Variants in CSNK1E observed in about 807,000 individuals in gnomAD.
The protein encoded by CSNK1E is casein kinase I isoform epsilon.
CSNK1E carries 17 observed loss-of-function variants against 46.1 expected under a neutral mutation model. The ratio of observed to expected loss-of-function variants is 0.37; its 90% CI spans 0.25 to 0.55. CSNK1E has a LOEUF of 0.55. CSNK1E is among the 20% of genes least tolerant of loss of function. CSNK1E has a pLI of 0.82. For synonymous variants in CSNK1E, 241 were observed against 242.6 expected (o/e 0.99, Z 0.06); for missense variants, 386 against 595.4 (o/e 0.65, Z 3.66).
chr22:38,311,804 CCTT>C (rs1014516670), intron 2 of CSNK1E, among the ~76,000 whole-genome samples: 10 of 148,990 alleles, frequency 6.7e-5, no homozygotes, highest in African/African-American at 9.9e-5. Flanking sequence ...CCTTTTCTTT[CCTT>C]CTTTTTTTTT....
At chr22:38,308,662 C>T (rs1390415245) in intron 2 of CSNK1E, among the ~76,000 whole-genome samples, 1 of 152,044 alleles carries the variant, frequency 6.6e-6, no homozygotes, top group Admixed American at 6.6e-5. Context: ...GTGGGAAGTG[C>T]AGCCCCTAGG....
chr22:38,296,142 G>T, intron 7 of CSNK1E: 10 of 991,044 alleles, frequency 1.0e-5, no homozygotes, highest in Non-Finnish European at 1.2e-5. Context: ...CAGCCCCGAG[G>T]CAAGAAGTGG....
Position 38,294,123 on chromosome 22 carries a change from T to A in CSNK1E, c.1204A>T (p.Ile402Phe). The change falls in exon 9 of 11, where the codon ATC (isoleucine) becomes TTC (phenylalanine). Residue 402 changes from isoleucine (I) to phenylalanine (F), a missense_variant. Around this residue, in one of 2 missense-constraint regions of CSNK1E, gnomAD observed 174 missense variants for 185.2 expected, o/e 0.94. Coordinates refer to ENST00000396832, the MANE Select transcript of CSNK1E (RefSeq NM_152221.3). This position sits in a 1 kb window ranked among gnomAD's most constrained non-coding sequence, Gnocchi z 5.5. ...DLTGRQEVSR[I>F]PASQTSVPFD... ...GGGCAGCTCACCTGTGAGGCTGGGA[T>A]CCGGGAGACCTCTTGCCGCCCAGTG... 1 of 1,610,264 alleles carries A rather than the reference T, an allele frequency of 6.2e-7. No individual in the cohort carries two copies. Among genetic ancestry groups the A allele is most frequent in the Non-Finnish European group, 8.5e-7 (1 of 1,179,524 alleles).
intron 2 of CSNK1E, among the ~76,000 whole-genome samples, chr22:38,313,295 G>A (rs1186126230): frequency 2.0e-5 from 3 of 152,150 alleles, no homozygotes; most frequent in African/African-American, 7.2e-5. Context: ...AGGATAACTC[G>A]TAGAAGGGCT....
chr22:38,316,039 GAGC>G (rs2092743841), intron 1 of CSNK1E, among the ~76,000 whole-genome samples: 2 of 152,068 alleles, frequency 1.3e-5, no homozygotes, highest in African/African-American at 4.8e-5. Flanking sequence ...TCCCAGAGGA[GAGC>G]AGAAAAGCTT....
chr22:38,301,070 A>G (rs2092669544), intron 4 of CSNK1E, 118 bp from the exon 5 acceptor site: 1 of 811,330 alleles, frequency 1.2e-6, no homozygotes, highest in African/African-American at 1.7e-5. Context: ...GCCTTCGACC[A>G]TGAAGGATAA....
rs536134796 is a variant in CSNK1E at position 38,306,385 on chromosome 22, C to T, written c.77-3137G>A. 9.7e-4 allele frequency among the ~76,000 whole-genome samples: 148 copies of T among 152,276 alleles called. 1 individual carries two copies. The highest frequency in any genetic ancestry group is 3.5e-3 in the African/African-American group (146 of 41,552). ...CTCCAATTGAGTCACTCAAAGTGTGCGACTCACCGTTTTTAGTATATTCAC... is the reference window on the plus strand; with the variant it reads ...CTCCAATTGAGTCACTCAAAGTGTGTGACTCACCGTTTTTAGTATATTCAC... On this transcript the variant is annotated intron_variant, in intron 2 of 10. Transcript: ENST00000396832.
rs2092680505 is a variant in CSNK1E at position 38,302,876 on chromosome 22, G to C, written c.321C>G (p.Leu107=). The C allele has an allele frequency of 6.2e-7, 1 of 1,614,040 alleles. No individual in the cohort carries two copies. The highest frequency in any genetic ancestry group is 1.7e-5 in the Admixed American group (1 of 60,000). The part of the protein sequence containing the change: ...SRKFSLKTVL[L]LADQMISRIE... ...GGGGACTCACCATCTGGTCGGCCAA[G>C]AGCAGCACCGTCTTGAGGCTGAATT... Residue 107 remains leucine, a synonymous_variant, in exon 4 of 11, where the codon CTC becomes CTG. Coordinates refer to ENST00000396832, the MANE Select transcript of CSNK1E (RefSeq NM_152221.3).
At chr22:38,304,125 G>A (rs760251464) in intron 2 of CSNK1E, among the ~76,000 whole-genome samples, 14 of 152,320 alleles carry the variant, frequency 9.2e-5, no homozygotes, top group Non-Finnish European at 1.2e-4. Context: ...TAGGCTGGGC[G>A]ACAGGGTGTC....
chr22:38,293,088 C>T (rs1415911104), intron 10 of CSNK1E, 167 bp downstream of exon 10: 1 of 635,004 alleles, frequency 1.6e-6, no homozygotes, highest in Non-Finnish European at 2.8e-6. Context: ...GTCAGGCAGC[C>T]TCCGAGGTTT....
chr22:38,316,369 T>C (rs1339340078), intron 1 of CSNK1E, among the ~76,000 whole-genome samples: 4 of 152,154 alleles, frequency 2.6e-5, no homozygotes, highest in African/African-American at 7.2e-5. Flanking sequence ...TTGTGTCCCC[T>C]TCTCCTCTCT....
intron 7 of CSNK1E, chr22:38,297,215 G>A (rs1488737275): frequency 1.1e-5 from 8 of 759,576 alleles, no homozygotes; most frequent in African/African-American, 8.5e-5. Context: ...AGCCCATCAC[G>A]AACCAGACGT....
Position 38,300,578 on chromosome 22 carries a change from C to T in CSNK1E, c.565+146G>A, listed in dbSNP as rs1982046890. The T allele has an allele frequency of 1.2e-5, 9 of 764,830 alleles. No individual in the cohort carries two copies. The highest frequency in any genetic ancestry group is 2.6e-5 in the East Asian group (1 of 37,744). 47.4% of individuals were successfully genotyped at this position (764,830 alleles called of 1,614,324 possible). A position where few individuals can be genotyped will look rare whatever the true frequency, so the allele number is the denominator to read the frequency against. On this transcript the variant is annotated intron_variant, in intron 5 of 10. Coordinates refer to ENST00000396832, the MANE Select transcript of CSNK1E (RefSeq NM_152221.3). The surrounding 1 kb of genome is among the most constrained non-coding windows in gnomAD (Gnocchi z 4.4). ...ACTGTGCAAGGACACGGAATAAGCACGAGCTTGGGGGCAGACGGGGTGGGG... is the reference window on the plus strand; with the variant it reads ...ACTGTGCAAGGACACGGAATAAGCATGAGCTTGGGGGCAGACGGGGTGGGG...
chr22:38,310,173 G>C (rs1308262323), intron 2 of CSNK1E, among the ~76,000 whole-genome samples: 1 of 152,192 alleles, frequency 6.6e-6, no homozygotes, highest in Non-Finnish European at 1.5e-5. Context: ...GCTGAGCATA[G>C]ATGCAGGGGT....
At position 38,308,462 on chromosome 22, in the gene CSNK1E, A is replaced by C. The variant is rs115889587; in HGVS notation, c.77-5214T>G. On this transcript the variant is annotated intron_variant, in intron 2 of 10. Coordinates refer to ENST00000396832, the MANE Select transcript of CSNK1E (RefSeq NM_152221.3). ...GAAGTGTGAGTTTCAGAGCCAACCT[A>C]CTAGAGCCCAAATCCTGACTCGGAC... Among the ~76,000 whole-genome samples, 553 of 152,140 alleles carry C rather than the reference A, an allele frequency of 3.6e-3. 1 individual carries two copies. The highest frequency in any genetic ancestry group is 0.012 in the African/African-American group (518 of 41,520).
At chr22:38,302,139 C>T (rs1410909595) in intron 4 of CSNK1E, among the ~76,000 whole-genome samples, 2 of 152,162 alleles carry the variant, frequency 1.3e-5, no homozygotes, top group African/African-American at 4.8e-5. Context: ...AGAGGTTCGG[C>T]GTTCACCTAC....
chr22:38,292,410 C>G (rs1952988387), intron 10 of CSNK1E: 1 of 152,254 alleles, frequency 6.6e-6, no homozygotes, highest in African/African-American at 2.4e-5. Flanking sequence ...CCCTTCTCTG[C>G]CCTCCTGGTG....
At position 38,317,282 on chromosome 22, in the gene CSNK1E, AGCCGCC is replaced by A. The variant is rs552795135; in HGVS notation, c.-141_-136del. The A allele has an allele frequency of 5.1e-4, 75 of 146,932 alleles. No individual in the cohort carries two copies. The highest frequency in any genetic ancestry group is 1.7e-3 in the African/African-American group (66 of 39,332). The allele number at this position is 146,932 out of a possible 1,614,324, so 9.1% of individuals were successfully genotyped here. ...CCGGCGCGCCAGCCTCTCCCGGCCC[AGCCGCC>A]GCCGCCGCCGCCGCCGCCGCGCTCC... On this transcript the variant is annotated 5_prime_UTR_variant, in exon 1 of 11. Transcript: ENST00000396832.
In CSNK1E at chr22:38,294,294, GC is replaced by G. The variant is rs1405582982; in HGVS notation, c.1078+47del. ...CACCCTCAGAGTAGGCACAAACAGA[GC>G]CCCCCACCCACCCTGAACCCAGCCC... On this transcript the variant is annotated intron_variant, in intron 8 of 10. Transcript: ENST00000396832. This position sits in a 1 kb window ranked among gnomAD's most constrained non-coding sequence, Gnocchi z 5.5. 13 of 1,600,106 alleles carry G rather than the reference GC, an allele frequency of 8.1e-6. No individual in the cohort carries two copies. The highest frequency in any genetic ancestry group is 1.1e-5 in the South Asian group (1 of 90,188).
Sources: gnomAD v4.1 joint callset for allele counts (sites outside exome capture counted in the v4.1 genomes callset) on GRCh38, gnomAD v4.1.1 for gene constraint, gnomAD v4.1.1 regional missense constraint, Gnocchi (gnomAD v3.1) non-coding constraint, MANE v1.5 for transcripts, NCBI Gene and HGNC (gene_info 2026-07-23, HGNC 2026-07-21) for gene names.